RALGAPA1: variants seen among roughly 807,000 people sequenced by gnomAD.
RALGAPA1 encodes Ral GTPase activating protein catalytic subunit alpha 1.
A neutral mutation model predicts 269.6 loss-of-function variants in RALGAPA1; 52 were observed. The observed-to-expected ratio is 0.19, with a 90% confidence interval of 0.15 to 0.24. The LOEUF is 0.24. Among genes scored for constraint, RALGAPA1 ranks in the 10% least tolerant of loss-of-function variants. The probability of loss-of-function intolerance (pLI) is 1.00; values close to 1 mark genes in which losing one functional copy is unlikely to be tolerated. For missense variants in RALGAPA1, 1,917 were observed against 3,013.9 expected, an observed-to-expected ratio of 0.64 and a Z score of 8.52; for synonymous variants, 817 against 1,008.3, an observed-to-expected ratio of 0.81 and a Z score of 3.60.
chr14:35,735,454 C>T (rs1220599801), intron 12 of RALGAPA1, among the ~76,000 whole-genome samples: 1 of 152,126 alleles, frequency 6.6e-6, no homozygotes, highest in Non-Finnish European at 1.5e-5. Context: ...TGAAGTAACT[C>T]AGGAATAGAA....
At chr14:35,601,736 A>G (rs1555370240) in intron 36 of RALGAPA1, among the ~76,000 whole-genome samples, 1 of 152,086 alleles carries the variant, frequency 6.6e-6, no homozygotes, top group Non-Finnish European at 1.5e-5. Flanking sequence ...TCTTTTCTCC[A>G]TCTTTCAGAG....
chr14:35,705,884 A>G (rs190675993), intron 16 of RALGAPA1, among the ~76,000 whole-genome samples: 3 of 152,286 alleles, frequency 2.0e-5, no homozygotes, highest in Admixed American at 2.0e-4. Context: ...TTAATTTGCA[A>G]TAGTCTAATG....
At chr14:35,635,404 AT>A in intron 32 of RALGAPA1, 59 bp downstream of exon 32, 1 of 1,464,574 alleles carries the variant, frequency 6.8e-7, no homozygotes, top group African/African-American at 1.4e-5. Context: ...GAGAAATGTT[AT>A]TTCTCTAGGT....
intron 16 of RALGAPA1, among the ~76,000 whole-genome samples, chr14:35,709,213 C>G (rs1414073298): frequency 6.6e-6 from 1 of 151,980 alleles, no homozygotes; most frequent in Non-Finnish European, 1.5e-5. Context: ...TTAAAAATAA[C>G]TAAAAGAATA....
At chr14:35,790,416 G>A (rs1310931402) in intron 1 of RALGAPA1, among the ~76,000 whole-genome samples, 5 of 151,538 alleles carry the variant, frequency 3.3e-5, no homozygotes, top group African/African-American at 4.8e-5. Flanking sequence ...GGCCAAGCGC[G>A]GTAGCTCAGG....
intron 33 of RALGAPA1, among the ~76,000 whole-genome samples, chr14:35,631,890 T>C (rs548616823): frequency 2.8e-4 from 42 of 152,302 alleles, no homozygotes; most frequent in Middle Eastern, 3.4e-3. Context: ...ACTCCAAGAA[T>C]GAGCCAGGTC....
rs1184361237 is a variant in RALGAPA1, at chr14:35,677,760, AATAAAACTC to A, written c.4624+181_4624+189del. On this transcript the variant is annotated intron_variant, in intron 22 of 41. Coordinates refer to ENST00000680220, the MANE Select transcript of RALGAPA1 (RefSeq NM_001346249.2). Reference sequence around the variant, plus strand: ...GACTCTAATCAACTATAATAAAATGAATAAAACTCAGACAACAAATATCTTTAAGAACAA... The same window carrying A: ...GACTCTAATCAACTATAATAAAATGAAGACAACAAATATCTTTAAGAACAA... 37 of 575,540 alleles carry A rather than the reference AATAAAACTC, an allele frequency of 6.4e-5. No individual in the cohort carries two copies. In the African/African-American group the frequency reaches 6.6e-4, roughly 10 times the overall value. The allele number at this position is 575,540 out of a possible 1,614,324, so 35.7% of individuals were successfully genotyped here.
At chr14:35,779,052 C>T (rs1011486546) in intron 1 of RALGAPA1, among the ~76,000 whole-genome samples, 24 of 152,074 alleles carry the variant, frequency 1.6e-4, no homozygotes, top group African/African-American at 5.6e-4. Context: ...CAATGTAATA[C>T]ATCTGTAAAA....
At chr14:35,620,082 C>T (rs997765352) in intron 35 of RALGAPA1, among the ~76,000 whole-genome samples, 15 of 151,934 alleles carry the variant, frequency 9.9e-5, no homozygotes, top group Admixed American at 1.3e-4. Flanking sequence ...GAGAATATTA[C>T]ATCAATATCC....
At chr14:35,595,872 A>G in intron 36 of RALGAPA1, 83 bp from the exon 37 acceptor site, 5 of 1,148,920 alleles carry the variant, frequency 4.4e-6, no homozygotes, top group Non-Finnish European at 6.1e-6. Flanking sequence ...CTTGCTTAAG[A>G]AAAAAATTGG....
chr14:35,779,774 C>T (rs2075307034), intron 1 of RALGAPA1, among the ~76,000 whole-genome samples: 1 of 152,116 alleles, frequency 6.6e-6, no homozygotes, highest in African/African-American at 2.4e-5. Flanking sequence ...AATTTCCTTC[C>T]CATAAGGCAT....
At chr14:35,763,054 A>G (rs139296933) in intron 4 of RALGAPA1, among the ~76,000 whole-genome samples, 2 of 152,356 alleles carry the variant, frequency 1.3e-5, no homozygotes, top group African/African-American at 4.8e-5. Flanking sequence ...ATAAAATAAA[A>G]TACTTTTATC....
At chr14:35,610,017 AT>A (rs1177620488) in intron 35 of RALGAPA1, among the ~76,000 whole-genome samples, 1 of 151,664 alleles carries the variant, frequency 6.6e-6, no homozygotes, top group African/African-American at 2.4e-5. Context: ...TACAGTGGAA[AT>A]AAATAAAATA....
intron 31 of RALGAPA1, among the ~76,000 whole-genome samples, chr14:35,644,678 C>A (rs1437418041): frequency 6.6e-6 from 1 of 152,016 alleles, no homozygotes; most frequent in African/African-American, 2.4e-5. Context: ...ATTGCTGGAG[C>A]AGGGAGTTAC....
At chr14:35,588,214 C>T (rs1328614096) in intron 37 of RALGAPA1, among the ~76,000 whole-genome samples, 1 of 152,226 alleles carries the variant, frequency 6.6e-6, no homozygotes, top group Non-Finnish European at 1.5e-5. Flanking sequence ...CAGGCGTGAG[C>T]CATCGCTCCC....
At chr14:35,632,918 G>A (rs550919417) in intron 33 of RALGAPA1, among the ~76,000 whole-genome samples, 4 of 152,290 alleles carry the variant, frequency 2.6e-5, no homozygotes, top group African/African-American at 7.2e-5. Context: ...ACAGACCAGA[G>A]AATCATGTGC....
Position 35,624,012 on chromosome 14 carries a change from G to A in RALGAPA1, c.6929+1349C>T, listed in dbSNP as rs550931376. On this transcript the variant is annotated intron_variant, in intron 35 of 41. Transcript: ENST00000680220. Reference sequence around the variant, plus strand: ...TGAGACAGGAGACTGGCGTGAACCCGGGAGGCGGAGGTTGCAGTGAGCCGA... The same window carrying A: ...TGAGACAGGAGACTGGCGTGAACCCAGGAGGCGGAGGTTGCAGTGAGCCGA... 1.4e-3 allele frequency among the ~76,000 whole-genome samples: 209 copies of A among 151,752 alleles called. 1 individual carries two copies. The highest frequency in any genetic ancestry group is 1.7e-3 in the Non-Finnish European group (114 of 67,896).
chr14:35,554,416 G>C (rs1474735691), intron 39 of RALGAPA1, among the ~76,000 whole-genome samples: 2 of 135,804 alleles, frequency 1.5e-5, no homozygotes, highest in South Asian at 2.4e-4. Context: ...GCGGGATCTC[G>C]GCTCACTGCA....
At chr14:35,712,655 C>G (rs1231873270) in intron 16 of RALGAPA1, among the ~76,000 whole-genome samples, 1 of 152,110 alleles carries the variant, frequency 6.6e-6, no homozygotes, top group Non-Finnish European at 1.5e-5. Context: ...TACAGGCACG[C>G]GCCACTGCAC....
Sources: allele counts gnomAD v4.1 joint callset (sites outside exome capture counted in the v4.1 genomes callset), GRCh38; gene constraint gnomAD v4.1.1; transcripts MANE v1.5; gene names NCBI Gene and HGNC (gene_info 2026-07-23, HGNC 2026-07-21).